PARM1: variants seen among roughly 807,000 people sequenced by gnomAD.
PARM1 encodes prostate androgen-regulated mucin-like protein 1, also known as WSC4, cell wall integrity and stress response component 4 homolog.
PARM1 carries 14 observed loss-of-function variants against 24.6 expected under a neutral mutation model. That is an observed-to-expected ratio of 0.57 (90% CI 0.38 to 0.89). The LOEUF (loss-of-function observed/expected upper bound fraction) is 0.89, where lower values mean the gene tolerates loss of function less well. PARM1 is among the 40% of genes least tolerant of loss of function. The pLI is 0.00. For synonymous variants in PARM1, 179 were observed against 156.6 expected, an observed-to-expected ratio of 1.14 and a Z score of -1.07; for missense variants, 362 against 380.4, an observed-to-expected ratio of 0.95 and a Z score of 0.40.
chr4:75,029,310 C>T (rs938209420), intron 2 of PARM1, among the ~76,000 whole-genome samples: 1 of 152,156 alleles, frequency 6.6e-6, no homozygotes, highest in Non-Finnish European at 1.5e-5. Context: ...TGTTATCTGA[C>T]TCTATTTAGA....
chr4:74,939,053 C>CT (rs1721249712), intron 1 of PARM1, among the ~76,000 whole-genome samples: 1 of 152,132 alleles, frequency 6.6e-6, no homozygotes, highest in South Asian at 2.1e-4. Context: ...TTGGGACTTA[C>CT]TTAGACCAAA....
At chr4:74,991,945 C>T (rs1722485566) in intron 1 of PARM1, among the ~76,000 whole-genome samples, 1 of 152,164 alleles carries the variant, frequency 6.6e-6, no homozygotes. Flanking sequence ...AATCAAGATT[C>T]CCAGACCTGC....
At chr4:74,995,185 C>T (rs548537366) in intron 1 of PARM1, among the ~76,000 whole-genome samples, 6 of 152,094 alleles carry the variant, frequency 3.9e-5, no homozygotes, top group African/African-American at 1.4e-4. Flanking sequence ...AATTGGGAGC[C>T]TTATAAGATT....
chr4:74,934,129 G>A (rs1483084673), intron 1 of PARM1, among the ~76,000 whole-genome samples: 1 of 152,152 alleles, frequency 6.6e-6, no homozygotes, highest in East Asian at 1.9e-4. Context: ...ACGACCTCTG[G>A]CAGCGGGGAT....
At chr4:75,028,519 A>C (rs1320967147) in intron 2 of PARM1, among the ~76,000 whole-genome samples, 1 of 152,250 alleles carries the variant, frequency 6.6e-6, no homozygotes, top group Non-Finnish European at 1.5e-5. Flanking sequence ...AAAGCGCAAG[A>C]ATATTGAAAA....
intron 1 of PARM1, among the ~76,000 whole-genome samples, chr4:75,003,532 T>C (rs1450274392): frequency 1.3e-5 from 2 of 152,188 alleles, no homozygotes; most frequent in African/African-American, 4.8e-5. Context: ...TCTTTTTGGA[T>C]TGAATTATGT....
intron 1 of PARM1, among the ~76,000 whole-genome samples, chr4:74,940,341 A>G (rs1470193262): frequency 1.1e-4 from 17 of 152,210 alleles, no homozygotes; most frequent in Admixed American, 1.1e-3. Flanking sequence ...CCAGGCTGCT[A>G]TAACAAAACA....
At chr4:75,003,622 G>T (rs985566735) in intron 1 of PARM1, among the ~76,000 whole-genome samples, 2 of 152,134 alleles carry the variant, frequency 1.3e-5, no homozygotes, top group Non-Finnish European at 1.5e-5. Flanking sequence ...CAGTTTGATG[G>T]TTTTGGGGCA....
At chr4:74,969,151 A>C (rs974215207) in intron 1 of PARM1, among the ~76,000 whole-genome samples, 5 of 152,076 alleles carry the variant, frequency 3.3e-5, no homozygotes, top group African/African-American at 1.2e-4. Flanking sequence ...AATGAGGGAG[A>C]GGGTGCGGAA....
intron 1 of PARM1, among the ~76,000 whole-genome samples, chr4:75,003,282 A>G (rs762591428): frequency 5.9e-5 from 9 of 151,858 alleles, no homozygotes; most frequent in Non-Finnish European, 1.3e-4. Context: ...TAGAAGCAGT[A>G]AGTTTAAGGG....
chr4:74,933,395 G>A (rs776595911), intron 1 of PARM1, 25 bp downstream of exon 1: 16 of 1,610,568 alleles, frequency 9.9e-6, no homozygotes, highest in Middle Eastern at 1.6e-4. Context: ...CCTCCCGGAA[G>A]GGCAGGTCGC....
At chr4:74,933,435 C>T (rs1721109784) in intron 1 of PARM1, 65 bp downstream of exon 1, 2 of 1,436,902 alleles carry the variant, frequency 1.4e-6, no homozygotes, top group South Asian at 1.2e-5. Flanking sequence ...AGCGCGTGGT[C>T]GGGGCTGAAG....
intron 1 of PARM1, among the ~76,000 whole-genome samples, chr4:74,988,392 TG>T (rs1722399509): frequency 6.6e-6 from 1 of 152,118 alleles, no homozygotes; most frequent in Non-Finnish European, 1.5e-5. Context: ...TACATAATGG[TG>T]GGAGAGATGG....
chr4:74,971,184 G>A (rs1722027718), intron 1 of PARM1, among the ~76,000 whole-genome samples: 1 of 152,184 alleles, frequency 6.6e-6, no homozygotes, highest in South Asian at 2.1e-4. Context: ...CACATGGCTA[G>A]GGAGGCCTCA....
intron 1 of PARM1, among the ~76,000 whole-genome samples, chr4:74,968,430 G>A (rs548687532): frequency 6.6e-6 from 1 of 152,306 alleles, no homozygotes; most frequent in East Asian, 1.9e-4. Flanking sequence ...GGATGCTGTA[G>A]TCTCTAATAA....
rs1723623891 is a variant in PARM1 at position 75,047,229 on chromosome 4, T to A, written c.*982T>A. The A allele has an allele frequency of 6.6e-6, 1 of 152,220 alleles. No individual in the cohort carries two copies. The highest frequency in any genetic ancestry group is 2.1e-4 in the South Asian group (1 of 4,836). 9.4% of individuals were successfully genotyped at this position (152,220 alleles called of 1,614,324 possible). A position where few individuals can be genotyped will look rare whatever the true frequency, so the allele number is the denominator to read the frequency against. The stretch of plus-strand genomic sequence containing the variant: ...GTTTGCTTTATACCCACACAGCAAC[T>A]GGTCCACTGCTTTACTGTCTGTTGG... On this transcript the variant is annotated 3_prime_UTR_variant, in exon 4 of 4. Coordinates refer to ENST00000307428, the MANE Select transcript of PARM1 (RefSeq NM_015393.4).
chr4:75,043,412 A>AT (rs572708815), intron 3 of PARM1, among the ~76,000 whole-genome samples: 136 of 152,156 alleles, frequency 8.9e-4, no homozygotes, highest in Admixed American at 1.1e-3. Flanking sequence ...CCATAAAGCA[A>AT]TTTTTTTTAA....
chr4:74,989,742 A>AG (rs1722427434), intron 1 of PARM1, among the ~76,000 whole-genome samples: 1 of 152,112 alleles, frequency 6.6e-6, no homozygotes, highest in Non-Finnish European at 1.5e-5. Context: ...ACCAGTCCCC[A>AG]TCCTGACTGC....
At chr4:75,015,033 T>TCAC (rs1722954919) in intron 2 of PARM1, among the ~76,000 whole-genome samples, 1 of 152,164 alleles carries the variant, frequency 6.6e-6, no homozygotes, top group African/African-American at 2.4e-5. Context: ...TTTCAGGCCC[T>TCAC]CACCACCACT....
Sources: allele counts gnomAD v4.1 joint callset (sites outside exome capture counted in the v4.1 genomes callset), GRCh38; gene constraint gnomAD v4.1.1; transcripts MANE v1.5; gene names NCBI Gene and HGNC (gene_info 2026-07-23, HGNC 2026-07-21).